SCAPER: variants seen among roughly 807,000 people sequenced by gnomAD.
SCAPER encodes the protein S phase cyclin A-associated protein in the endoplasmic reticulum.
SCAPER carries 98 observed loss-of-function variants against 182.2 expected under a neutral mutation model. That is an observed-to-expected ratio of 0.54 (90% CI 0.46 to 0.64). The LOEUF (loss-of-function observed/expected upper bound fraction) is 0.64. Among genes scored for constraint, SCAPER ranks in the 30% least tolerant of loss-of-function variants. The pLI is 0.00. For missense variants in SCAPER, 1,432 were observed against 1,690.0 expected (o/e 0.85, Z 2.68); for synonymous variants, 605 against 564.6 (o/e 1.07, Z -1.01).
intron 2 of SCAPER, among the ~76,000 whole-genome samples, chr15:76,876,098 C>A (rs1477396201): frequency 6.6e-6 from 1 of 152,124 alleles, no homozygotes; most frequent in Non-Finnish European, 1.5e-5. Flanking sequence ...TGCCCGGGGC[C>A]ACTCCGAGTA....
intron 30 of SCAPER, among the ~76,000 whole-genome samples, chr15:76,353,658 T>C (rs532481298): frequency 6.6e-6 from 1 of 152,318 alleles, no homozygotes; most frequent in Admixed American, 6.5e-5. Context: ...CTTAAAGAAG[T>C]CTGGCAGTCT....
chr15:76,662,187 G>A (rs1198437112), intron 21 of SCAPER, among the ~76,000 whole-genome samples: 2 of 152,088 alleles, frequency 1.3e-5, no homozygotes, highest in Non-Finnish European at 2.9e-5. Flanking sequence ...GTCAGGGGTC[G>A]AGAGGAAAGA....
intron 23 of SCAPER, among the ~76,000 whole-genome samples, chr15:76,521,328 T>C (rs987626838): frequency 2.0e-5 from 3 of 151,966 alleles, no homozygotes; most frequent in African/African-American, 7.3e-5. Context: ...CAGCAAACTA[T>C]CTAGTACCTA....
At chr15:76,553,907 C>T (rs925696511) in intron 23 of SCAPER, among the ~76,000 whole-genome samples, 1 of 152,228 alleles carries the variant, frequency 6.6e-6, no homozygotes, top group Non-Finnish European at 1.5e-5. Context: ...ATTCTGGCAA[C>T]TCAAAAAGCC....
chr15:76,863,559 T>A (rs185027630), intron 2 of SCAPER, among the ~76,000 whole-genome samples: 2 of 152,350 alleles, frequency 1.3e-5, no homozygotes, highest in Admixed American at 1.3e-4. Context: ...TAAAGTATTG[T>A]GCTTGTCCTC....
chr15:76,895,282 T>C (rs936434602), intron 1 of SCAPER, among the ~76,000 whole-genome samples: 3 of 152,234 alleles, frequency 2.0e-5, no homozygotes, highest in African/African-American at 4.8e-5. Context: ...ATGAAAATCA[T>C]ATGATCATCT....
intron 21 of SCAPER, among the ~76,000 whole-genome samples, chr15:76,626,239 T>C (rs1468965087): frequency 6.6e-6 from 1 of 152,176 alleles, no homozygotes; most frequent in Admixed American, 6.5e-5. Context: ...TAGATGCCTC[T>C]AGTCAACCAT....
chr15:76,850,859 CAAAAAAAAAAA>C (rs59202490), intron 4 of SCAPER, among the ~76,000 whole-genome samples: 1 of 90,052 alleles, frequency 1.1e-5, no homozygotes, highest in African/African-American at 4.0e-5. Flanking sequence ...GACTCTGTCT[CAAAAAAAAAAA>C]AAAAAAAGAA....
chr15:76,869,602 AATAACAT>A (rs1425549625), intron 2 of SCAPER, among the ~76,000 whole-genome samples: 1 of 152,176 alleles, frequency 6.6e-6, no homozygotes, highest in Non-Finnish European at 1.5e-5. Context: ...AAAGACAGGC[AATAACAT>A]GCTACCAAGG....
At chr15:76,609,685 T>G (rs1286178089) in intron 22 of SCAPER, among the ~76,000 whole-genome samples, 1 of 152,220 alleles carries the variant, frequency 6.6e-6, no homozygotes, top group Non-Finnish European at 1.5e-5. Context: ...ATGTTTTGAC[T>G]TTTAGTATAT....
intron 4 of SCAPER, among the ~76,000 whole-genome samples, chr15:76,856,821 A>G (rs1319120425): frequency 6.6e-6 from 1 of 152,042 alleles, no homozygotes. Flanking sequence ...GTGAGCTCTG[A>G]TTGTACCACC....
At chr15:76,482,801 T>C (rs1384560185) in intron 24 of SCAPER, among the ~76,000 whole-genome samples, 2 of 152,098 alleles carry the variant, frequency 1.3e-5, no homozygotes, top group Non-Finnish European at 2.9e-5. Context: ...AATATGTATA[T>C]ACCCTCATTA....
intron 22 of SCAPER, among the ~76,000 whole-genome samples, chr15:76,596,497 CAG>C (rs2145735965): frequency 8.3e-6 from 1 of 120,834 alleles, no homozygotes; most frequent in African/African-American, 2.5e-5. Flanking sequence ...CAAAACTCAG[CAG>C]AGACACAACA....
intron 15 of SCAPER, among the ~76,000 whole-genome samples, chr15:76,740,789 T>C (rs1010508891): frequency 7.2e-5 from 11 of 152,088 alleles, no homozygotes; most frequent in African/African-American, 2.7e-4. Flanking sequence ...TCGATTTACA[T>C]ATATAAGGAA....
At chr15:76,813,470 A>C (rs1406541041) in intron 5 of SCAPER, among the ~76,000 whole-genome samples, 3 of 151,878 alleles carry the variant, frequency 2.0e-5, no homozygotes, top group Non-Finnish European at 4.4e-5. Flanking sequence ...CCAAAAAAAA[A>C]AGAGAAAGAA....
chr15:76,469,561 A>C lies in SCAPER; in HGVS notation c.3078+1651T>G, dbSNP rs141751982. Among the ~76,000 whole-genome samples the C allele has an allele frequency of 2.0e-5, 3 of 152,214 alleles. No individual in the cohort carries two copies. In the East Asian group the frequency reaches 5.8e-4, roughly 29 times the overall value. On this transcript the variant is annotated intron_variant, in intron 25 of 31. Transcript: ENST00000563290. Reference sequence around the variant, plus strand: ...TTGTTATGTGTCCTTAGTCTCCTCCATTCTGTGACAGTTCCTCACTTTTTC... The same window carrying C: ...TTGTTATGTGTCCTTAGTCTCCTCCCTTCTGTGACAGTTCCTCACTTTTTC...
intron 5 of SCAPER, among the ~76,000 whole-genome samples, chr15:76,825,583 A>T (rs2067943388): frequency 2.0e-5 from 3 of 152,260 alleles, no homozygotes; most frequent in Non-Finnish European, 4.4e-5. Context: ...TGAGACAAAC[A>T]TGCACAGAGG....
chr15:76,769,124 G>T lies in SCAPER; in HGVS notation c.1249-2036C>A, dbSNP rs974290328. Among the ~76,000 whole-genome samples, 114 of 151,996 alleles carry T rather than the reference G, an allele frequency of 7.5e-4. 1 individual carries two copies. The highest frequency in any genetic ancestry group is 2.4e-3 in the Admixed American group (36 of 15,254). On this transcript the variant is annotated intron_variant, in intron 10 of 31. Coordinates refer to ENST00000563290, the MANE Select transcript of SCAPER (RefSeq NM_020843.4). ...AGGGTTAATATCCAGAATCTATAAA[G>T]AACTTAAACAAATTTACAAGAAAAA...
chr15:76,739,934 A>G (rs1023885933), intron 15 of SCAPER, among the ~76,000 whole-genome samples: 1 of 152,232 alleles, frequency 6.6e-6, no homozygotes, highest in Admixed American at 6.5e-5. Context: ...TGGGAGGCCA[A>G]AGCAGGAGGA....
Sources: gnomAD v4.1 joint callset for allele counts (sites outside exome capture counted in the v4.1 genomes callset) on GRCh38, gnomAD v4.1.1 for gene constraint, MANE v1.5 for transcripts, NCBI Gene and HGNC (gene_info 2026-07-23, HGNC 2026-07-21) for gene names.